The following ZC3H13 variants were observed in gnomAD, a reference collection of about 807,000 sequenced individuals.
The protein encoded by ZC3H13 is zinc finger CCCH domain-containing protein 13.
Under a neutral mutation model 204.1 loss-of-function variants are expected in ZC3H13, and 64 were observed. That is an observed-to-expected ratio of 0.31 (90% confidence interval 0.26 to 0.39). ZC3H13 has a LOEUF of 0.39. Ranked by LOEUF, ZC3H13 falls within the 10% of genes least tolerant of loss-of-function variation. The pLI is 1.00. For synonymous variants in ZC3H13, 667 were observed against 693.7 expected, an observed-to-expected ratio of 0.96 and a Z score of 0.60; for missense variants, 1,833 against 2,082.7, an observed-to-expected ratio of 0.88 and a Z score of 2.33.
chr13:45,963,966 A>G lies in ZC3H13; in HGVS notation c.4551T>C (p.Ala1517=). 1.2e-6 allele frequency: 2 copies of G among 1,614,164 alleles called. No homozygotes were observed. The highest frequency in any genetic ancestry group is 1.7e-6 in the Non-Finnish European group (2 of 1,180,010). The change falls in exon 17 of 19, where the codon GCT becomes GCC. Residue 1517 remains alanine, a synonymous_variant. Transcript: ENST00000679008. Reference sequence around the variant, plus strand: ...CTCCAGGTGTGAATTTTAAGAGTGCAGCCCCAGGCTCTCGTGGTTCTTTTG... The same window carrying G: ...CTCCAGGTGTGAATTTTAAGAGTGCGGCCCCAGGCTCTCGTGGTTCTTTTG... The part of the protein sequence containing the change: ...KHPKEPREPG[A]ALLKFTPGAV...
chr13:45,999,610 A>C (rs930943556), intron 8 of ZC3H13, among the ~76,000 whole-genome samples: 18 of 152,214 alleles, frequency 1.2e-4, no homozygotes, highest in African/African-American at 3.4e-4. Flanking sequence ...CTTTCAATAA[A>C]GTCTTGAACT....
intron 14 of ZC3H13, 121 bp from the exon 15 acceptor site, chr13:45,968,149 A>G (rs1289068018): frequency 2.1e-6 from 2 of 974,426 alleles, no homozygotes; most frequent in Non-Finnish European, 2.9e-6. Context: ...GTAACTTTCT[A>G]TGTTCCATAT....
chr13:46,013,127 G>C (rs7990095), intron 5 of ZC3H13, among the ~76,000 whole-genome samples: 114,127 of 152,174 alleles, frequency 0.75, 43,292 homozygotes, highest in African/African-American at 0.85. Context: ...AAATATATGT[G>C]TAAGTCAGCC....
intron 8 of ZC3H13, among the ~76,000 whole-genome samples, 194 bp from the exon 9 acceptor site, chr13:45,989,291 A>T (rs942110092): frequency 2.0e-5 from 3 of 152,230 alleles, no homozygotes; most frequent in Non-Finnish European, 4.4e-5. Context: ...GTCAACTAGA[A>T]GCAACAGTTC....
chr13:45,975,536 TTTCCCGCTCTCG>T lies in ZC3H13; in HGVS notation c.2203_2214del (p.Glu740_Arg743del). On this transcript the variant is annotated inframe_deletion, in exon 12 of 19. Coordinates refer to ENST00000679008, the MANE Select transcript of ZC3H13 (RefSeq NM_001330564.2). ...TTTTCCCTGTCTCGTTCCCTCTCTC[TTTCCCGCTCTCG>T]ATCGTGGTCTCGGTCTCTATCCCTT... 2.5e-6 allele frequency: 4 copies of T among 1,601,328 alleles called. No individual in the cohort carries two copies. The highest frequency in any genetic ancestry group is 3.4e-6 in the Non-Finnish European group (4 of 1,173,922).
chr13:46,048,091 G>A (rs1011592927), intron 1 of ZC3H13, among the ~76,000 whole-genome samples: 2 of 151,972 alleles, frequency 1.3e-5, no homozygotes, highest in Non-Finnish European at 2.9e-5. Flanking sequence ...ATTTATTATC[G>A]TACTTATTAT....
At chr13:46,015,634 T>G (rs1474291385) in intron 5 of ZC3H13, among the ~76,000 whole-genome samples, 2 of 152,082 alleles carry the variant, frequency 1.3e-5, no homozygotes, top group Non-Finnish European at 2.9e-5. Context: ...GAACACATGA[T>G]GAACAAATAC....
At position 45,968,757 on chromosome 13, in the gene ZC3H13, T is replaced by G. The variant is rs754918163; in HGVS notation, c.3787A>C (p.Thr1263Pro). 6.3e-7 allele frequency: 1 copy of G among 1,585,206 alleles called. No individual in the cohort carries two copies. The highest frequency in any genetic ancestry group is 1.2e-5 in the South Asian group (1 of 86,060). ...AATTCAATTTTATTACCTGAAGAAG[T>G]ACTTCGACTGGGTTCTCCACGCTTT... ...QLKRGEPSRS[T>P]SSDRQDSRSH... The change falls in exon 14 of 19, where the codon ACT (threonine) becomes CCT (proline). Residue 1263 changes from threonine to proline, a missense_variant. By Grantham distance (38) the Thr-to-Pro change is conservative. This residue lies in a region of ZC3H13 where 1,574 missense variants were observed against 1,757.2 expected (regional missense o/e 0.90). Coordinates refer to ENST00000679008, the MANE Select transcript of ZC3H13 (RefSeq NM_001330564.2).
intron 8 of ZC3H13, among the ~76,000 whole-genome samples, chr13:45,998,090 G>A (rs759746103): frequency 3.9e-5 from 6 of 152,100 alleles, no homozygotes; most frequent in Non-Finnish European, 8.8e-5. Flanking sequence ...GACATTTAAA[G>A]TATTTTTAAA....
chr13:46,012,660 C>G (rs181035450), intron 5 of ZC3H13, among the ~76,000 whole-genome samples: 12 of 152,186 alleles, frequency 7.9e-5, no homozygotes, highest in Non-Finnish European at 1.8e-4. Flanking sequence ...AGTACAATGA[C>G]AATTTCTCAG....
rs1947384306 is a variant in ZC3H13 at position 45,967,736 on chromosome 13, A to C, written c.4089T>G (p.Ile1363Met). The part of the protein sequence containing the change: ...RDLDRERERL[I>M]SDSVERDRDR... ...CCCTGTCCCTTTCAACAGAATCAGA[A>C]ATTAGTCTCTCTCTTTCCCTATCCA... Residue 1363 changes from isoleucine (I) to methionine (M), a missense_variant, in exon 15 of 19, where the codon ATT becomes ATG. By Grantham distance (10) the Ile-to-Met change is conservative. Around this residue, in one of 5 missense-constraint regions of ZC3H13, gnomAD observed 1,574 missense variants for 1,757.2 expected, o/e 0.90. Transcript: ENST00000679008. 6.2e-7 allele frequency: 1 copy of C among 1,613,482 alleles called. No individual in the cohort carries two copies. The highest frequency in any genetic ancestry group is 8.5e-7 in the Non-Finnish European group (1 of 1,179,718).
At chr13:46,043,048 G>A in intron 3 of ZC3H13, among the ~76,000 whole-genome samples, 1 of 151,824 alleles carries the variant, frequency 6.6e-6, no homozygotes, top group East Asian at 1.9e-4. Context: ...TTCACTATCA[G>A]TGGGAAAAAA....
At chr13:45,975,145 A>G (rs764386762) in intron 12 of ZC3H13, 138 bp downstream of exon 12, 286 of 1,358,262 alleles carry the variant, frequency 2.1e-4, no homozygotes, top group Non-Finnish European at 2.6e-4. Flanking sequence ...CGATACATAT[A>G]CTAAATTTGA....
At chr13:45,964,146 A>G in intron 16 of ZC3H13, 104 bp from the exon 17 acceptor site, 2 of 1,131,608 alleles carry the variant, frequency 1.8e-6, no homozygotes, top group South Asian at 1.7e-5. Context: ...AAAAAATGAA[A>G]AGTACTTTAA....
chr13:46,033,623 G>A (rs1249837696), intron 4 of ZC3H13, among the ~76,000 whole-genome samples: 1 of 152,124 alleles, frequency 6.6e-6, no homozygotes, highest in African/African-American at 2.4e-5. Flanking sequence ...TATGCCTAAT[G>A]AAAAGCCCCA....
intron 6 of ZC3H13, among the ~76,000 whole-genome samples, chr13:46,011,107 G>C (rs2041530409): frequency 6.6e-6 from 1 of 151,958 alleles, no homozygotes; most frequent in African/African-American, 2.4e-5. Context: ...AAAGAAACAA[G>C]GCATTCTAGA....
chr13:46,016,139 G>C (rs61953332), intron 5 of ZC3H13, among the ~76,000 whole-genome samples: 34,359 of 151,940 alleles, frequency 0.23, 4,675 homozygotes, highest in South Asian at 0.32. Flanking sequence ...TGGTTAACTG[G>C]AACAACCATT....
chr13:45,961,220 C>T (rs1299050721), intron 17 of ZC3H13, among the ~76,000 whole-genome samples: 2 of 152,034 alleles, frequency 1.3e-5, no homozygotes, highest in African/African-American at 2.4e-5. Context: ...AAAACAAAAA[C>T]ATTAACTACC....
intron 5 of ZC3H13, among the ~76,000 whole-genome samples, chr13:46,014,192 T>C (rs970875946): frequency 6.6e-6 from 1 of 152,162 alleles, no homozygotes; most frequent in African/African-American, 2.4e-5. Flanking sequence ...TTACTTTAAG[T>C]TCTGGGATAC....
Sources: gnomAD v4.1 joint callset for allele counts (sites outside exome capture counted in the v4.1 genomes callset) on GRCh38, gnomAD v4.1.1 for gene constraint, gnomAD v4.1.1 regional missense constraint, MANE v1.5 for transcripts, NCBI Gene and HGNC (gene_info 2026-07-23, HGNC 2026-07-21) for gene names.